ATXN7: variants seen among roughly 807,000 people sequenced by gnomAD.
ATXN7 encodes the protein ataxin 7.
Under a neutral mutation model 70.5 loss-of-function variants are expected in ATXN7, and 12 were observed. That is an observed-to-expected ratio of 0.17 (90% CI 0.11 to 0.28). The LOEUF is 0.28. Among genes scored for constraint, ATXN7 ranks in the 10% least tolerant of loss-of-function variants. The pLI is 1.00. For missense variants in ATXN7, 1,256 were observed against 1,131.7 expected, an observed-to-expected ratio of 1.11 and a Z score of -1.58; for synonymous variants, 498 against 448.7, an observed-to-expected ratio of 1.11 and a Z score of -1.39.
At chr3:63,969,601 A>AGCTTT (rs1288627042) in intron 5 of ATXN7, among the ~76,000 whole-genome samples, 2 of 152,110 alleles carry the variant, frequency 1.3e-5, no homozygotes, top group African/African-American at 4.8e-5. Context: ...TTAACGGCAT[A>AGCTTT]GTTTTGTTTT....
At chr3:63,931,099 T>TTTGG (rs1559636596) in intron 4 of ATXN7, among the ~76,000 whole-genome samples, 1 of 151,748 alleles carries the variant, frequency 6.6e-6, no homozygotes, top group East Asian at 1.9e-4. Context: ...ACAGTAGAAG[T>TTTGG]TTTGTTTGTT....
At chr3:63,994,945 G>T (rs2075732139) in intron 11 of ATXN7, among the ~76,000 whole-genome samples, 1 of 152,116 alleles carries the variant, frequency 6.6e-6, no homozygotes, top group Admixed American at 6.6e-5. Flanking sequence ...TGATACTGTG[G>T]GGCTTTATTC....
At chr3:63,942,849 T>G (rs2074794163) in intron 4 of ATXN7, among the ~76,000 whole-genome samples, 1 of 152,230 alleles carries the variant, frequency 6.6e-6, no homozygotes, top group South Asian at 2.1e-4. Flanking sequence ...TAATCTCTAT[T>G]TTACAAGTGA....
chr3:63,953,331 T>G (rs760142718), intron 5 of ATXN7, among the ~76,000 whole-genome samples: 11 of 151,996 alleles, frequency 7.2e-5, no homozygotes, highest in Non-Finnish European at 1.3e-4. Flanking sequence ...ATAAGAGCGT[T>G]TGATGCAGAG....
intron 1 of ATXN7, among the ~76,000 whole-genome samples, chr3:63,880,010 C>T (rs1229599429): frequency 4.0e-5 from 6 of 151,854 alleles, no homozygotes; most frequent in South Asian, 2.1e-4. Context: ...TGCTTGAACC[C>T]GGGAAGCAAA....
chr3:63,866,127 G>A (rs1702419234), intron 1 of ATXN7, among the ~76,000 whole-genome samples: 2 of 152,064 alleles, frequency 1.3e-5, no homozygotes, highest in Non-Finnish European at 2.9e-5. Flanking sequence ...ATTTCTATAA[G>A]TTAATTTGAT....
chr3:63,949,437 C>G (rs926442896), intron 4 of ATXN7, among the ~76,000 whole-genome samples: 1 of 152,108 alleles, frequency 6.6e-6, no homozygotes, highest in Non-Finnish European at 1.5e-5. Flanking sequence ...CTCACTCTTT[C>G]ACCCAGGCTG....
chr3:63,939,332 G>T (rs1330815638), intron 4 of ATXN7, among the ~76,000 whole-genome samples: 2 of 152,040 alleles, frequency 1.3e-5, no homozygotes, highest in African/African-American at 2.4e-5. Context: ...TCCTTTCTTT[G>T]TCATCTCACT....
intron 5 of ATXN7, among the ~76,000 whole-genome samples, chr3:63,971,186 G>A (rs1559651074): frequency 6.6e-6 from 1 of 152,158 alleles, no homozygotes; most frequent in African/African-American, 2.4e-5. Flanking sequence ...TTCTTTCTCA[G>A]TGTTTTCCAG....
At chr3:63,903,386 CAAA>C (rs775558434) in intron 2 of ATXN7, among the ~76,000 whole-genome samples, 15 of 49,576 alleles carry the variant, frequency 3.0e-4, no homozygotes, top group Admixed American at 1.1e-3. Context: ...GACTCCGTCT[CAAA>C]AAAAAAAAAA....
intron 5 of ATXN7, among the ~76,000 whole-genome samples, chr3:63,959,790 A>G (rs932647427): frequency 2.0e-5 from 3 of 152,082 alleles, no homozygotes; most frequent in African/African-American, 4.8e-5. Context: ...CCTCTTACTG[A>G]TATCTGTGCT....
At chr3:63,936,650 T>A (rs983111709) in intron 4 of ATXN7, among the ~76,000 whole-genome samples, 1 of 152,176 alleles carries the variant, frequency 6.6e-6, no homozygotes, top group Non-Finnish European at 1.5e-5. Flanking sequence ...GCATACAGGA[T>A]CCCAATAACC....
intron 5 of ATXN7, among the ~76,000 whole-genome samples, chr3:63,952,835 C>CT (rs59256288): frequency 0.052 from 2,573 of 49,040 alleles, 570 homozygotes; most frequent in African/African-American, 0.068. Flanking sequence ...ATGCATGGGC[C>CT]TTTTTTTTTT....
chr3:63,918,042 A>T (rs929612931), intron 4 of ATXN7, among the ~76,000 whole-genome samples: 2 of 152,218 alleles, frequency 1.3e-5, no homozygotes, highest in African/African-American at 4.8e-5. Flanking sequence ...TTAGGCAAAG[A>T]AGTAGAATAG....
At chr3:63,998,090 G>A in intron 12 of ATXN7, 1 of 985,208 alleles carries the variant, frequency 1.0e-6, no homozygotes, top group East Asian at 1.1e-4. Context: ...CCACGGAAGG[G>A]GCATTCCATT....
At chr3:63,926,891 T>C (rs1202947711) in intron 4 of ATXN7, among the ~76,000 whole-genome samples, 6 of 152,148 alleles carry the variant, frequency 3.9e-5, no homozygotes, top group Non-Finnish European at 1.5e-5. Context: ...GTTCAACTCC[T>C]ACTTATGGGT....
intron 1 of ATXN7, among the ~76,000 whole-genome samples, chr3:63,889,530 G>C (rs950702814): frequency 1.3e-5 from 2 of 152,166 alleles, no homozygotes; most frequent in African/African-American, 4.8e-5. Flanking sequence ...GCAAGGGCTA[G>C]AAATAGCCTC....
At chr3:63,939,879 G>T (rs1413252334) in intron 4 of ATXN7, among the ~76,000 whole-genome samples, 1 of 151,990 alleles carries the variant, frequency 6.6e-6, no homozygotes, top group Non-Finnish European at 1.5e-5. Context: ...GATGTATCTG[G>T]TAGCTCCCTG....
At chr3:63,909,424 A>G (rs1408723511) in intron 2 of ATXN7, among the ~76,000 whole-genome samples, 7 of 152,188 alleles carry the variant, frequency 4.6e-5, no homozygotes, top group Non-Finnish European at 1.5e-5. Flanking sequence ...ACACACAAAA[A>G]AAATTTATAC....
Sources: allele counts gnomAD v4.1 joint callset (sites outside exome capture counted in the v4.1 genomes callset), GRCh38; gene constraint gnomAD v4.1.1; transcripts MANE v1.5; gene names NCBI Gene and HGNC (gene_info 2026-07-23, HGNC 2026-07-21).